The following DENND4C variants were observed in gnomAD, a reference collection of about 807,000 sequenced individuals.
DENND4C encodes the protein DENN domain containing 4C, also known as DENN domain-containing protein 4C.
A neutral mutation model predicts 203.0 loss-of-function variants in DENND4C; 108 were observed. That is an observed-to-expected ratio of 0.53 (90% CI 0.46 to 0.62). The LOEUF is 0.62. Among genes scored for constraint, DENND4C ranks in the 20% least tolerant of loss-of-function variants. The pLI is 0.00. For missense variants in DENND4C, 2,481 were observed against 2,301.2 expected (o/e 1.08, Z -1.60); for synonymous variants, 871 against 792.4 (o/e 1.10, Z -1.67).
At chr9:19,241,821 C>T (rs1393525001) in intron 1 of DENND4C, among the ~76,000 whole-genome samples, 1 of 151,780 alleles carries the variant, frequency 6.6e-6, no homozygotes, top group Non-Finnish European at 1.5e-5. Flanking sequence ...AGATTGGGAC[C>T]AGCCTGGGCA....
In DENND4C at chr9:19,363,443, C is replaced by T. The variant is rs1006973587; in HGVS notation, c.5524+1480C>T. 9.2e-5 allele frequency among the ~76,000 whole-genome samples: 14 copies of T among 151,738 alleles called. No homozygotes were observed. In the South Asian group the frequency reaches 2.3e-3, roughly 25 times the overall value. ...CAGACAATTGCTTGAACCCGGGAGGCGGAGGTTGCAGTGAGCCAAGATCAC... is the reference window on the plus strand; with the variant it reads ...CAGACAATTGCTTGAACCCGGGAGGTGGAGGTTGCAGTGAGCCAAGATCAC... On this transcript the variant is annotated intron_variant, in intron 30 of 32. Coordinates refer to ENST00000434457, the MANE Select transcript of DENND4C (RefSeq NM_001330640.2).
chr9:19,319,409 C>CAT (rs1254654216), intron 12 of DENND4C, among the ~76,000 whole-genome samples: 129 of 142,034 alleles, frequency 9.1e-4, no homozygotes, highest in Middle Eastern at 3.8e-3. Flanking sequence ...TATATACACA[C>CAT]ATATATATAT....
In DENND4C at chr9:19,372,287, C is replaced by G. The variant is rs997270139; in HGVS notation, c.*114C>G. 6.4e-6 allele frequency: 8 copies of G among 1,254,510 alleles called. No individual in the cohort carries two copies. In the Admixed American group the frequency reaches 1.9e-4, roughly 30 times the overall value. The allele number at this position is 1,254,510 out of a possible 1,614,324, so 77.7% of individuals were successfully genotyped here. On this transcript the variant is annotated 3_prime_UTR_variant, in exon 33 of 33. Coordinates refer to ENST00000434457, the MANE Select transcript of DENND4C (RefSeq NM_001330640.2). ...ACTGGTGAATACGGAATTGAAGTAA[C>G]TCTTGGGGACAATATATAATGAATT...
At chr9:19,254,632 T>A (rs1827478969) in intron 1 of DENND4C, among the ~76,000 whole-genome samples, 1 of 152,148 alleles carries the variant, frequency 6.6e-6, no homozygotes, top group Non-Finnish European at 1.5e-5. Flanking sequence ...GCATGGTTAC[T>A]ATAGTTGATT....
At position 19,276,471 on chromosome 9, in the gene DENND4C, A is replaced by G. The variant is rs1588818451; in HGVS notation, c.297A>G (p.Thr99=). ...YKRGRDKPPL[T]DIGVLYEGKE... Reference sequence around the variant, plus strand: ...GAGGGAGAGATAAACCACCGCTTACAGATATTGGGTATGGTGACTTCTTTT... The same window carrying G: ...GAGGGAGAGATAAACCACCGCTTACGGATATTGGGTATGGTGACTTCTTTT... Residue 99 remains threonine, a synonymous_variant, in exon 2 of 33, where the codon ACA becomes ACG. Coordinates refer to ENST00000434457, the MANE Select transcript of DENND4C (RefSeq NM_001330640.2). The G allele has an allele frequency of 2.4e-6, 3 of 1,232,052 alleles. No homozygotes were observed. Among genetic ancestry groups the G allele is most frequent in the Non-Finnish European group, 3.0e-6 (3 of 987,880 alleles). The allele number at this position is 1,232,052 out of a possible 1,614,324, so 76.3% of individuals were successfully genotyped here. A position where few individuals can be genotyped will look rare whatever the true frequency, so the allele number is the denominator to read the frequency against.
chr9:19,309,466 C>T (rs934038273), intron 10 of DENND4C, among the ~76,000 whole-genome samples: 1 of 151,684 alleles, frequency 6.6e-6, no homozygotes, highest in African/African-American at 2.4e-5. Context: ...TACACAATTC[C>T]GTGAATATGA....
At chr9:19,258,114 T>C (rs1170918642) in intron 1 of DENND4C, among the ~76,000 whole-genome samples, 1 of 122,254 alleles carries the variant, frequency 8.2e-6, no homozygotes, top group Non-Finnish European at 1.8e-5. Flanking sequence ...TAAGACCCTG[T>C]CTCAAAAAAT....
At position 19,305,478 on chromosome 9, in the gene DENND4C, C is replaced by T; in HGVS notation, c.1438C>T (p.Pro480Ser). ...CTCAAGGTATTTTGATCTTCATGAC[C>T]CACCACAAGATGTTGTTTGCATTGA... ...VDSRYFDLHDPPQDVVCIDLD... is the reference protein window; with the variant it reads ...VDSRYFDLHDSPQDVVCIDLD... The change falls in exon 10 of 33, where the codon CCA becomes TCA. Residue 480 changes from proline (P) to serine (S), a missense_variant. Around this residue, in one of 3 missense-constraint regions of DENND4C, gnomAD observed 2,289 missense variants for 2,113.3 expected, o/e 1.08. Coordinates refer to ENST00000434457, the MANE Select transcript of DENND4C (RefSeq NM_001330640.2). 1.2e-6 allele frequency: 2 copies of T among 1,613,638 alleles called. No individual in the cohort carries two copies. The highest frequency in any genetic ancestry group is 1.7e-6 in the Non-Finnish European group (2 of 1,179,896).
chr9:19,347,603 CTA>C (rs1253439983), intron 23 of DENND4C, among the ~76,000 whole-genome samples: 4 of 152,152 alleles, frequency 2.6e-5, no homozygotes, highest in African/African-American at 9.7e-5. Context: ...TATTTAAAAA[CTA>C]TGCATATTTG....
rs565269860 is a variant in DENND4C at position 19,354,081 on chromosome 9, T to G, written c.4781+1416T>G. On this transcript the variant is annotated intron_variant, in intron 26 of 32. Transcript: ENST00000434457. ...TATTCTACGAAGACACTGACTCTGC[T>G]AAGTGTGATATATATCTAAATTTAC... 4.6e-5 allele frequency among the ~76,000 whole-genome samples: 7 copies of G among 152,362 alleles called. No homozygotes were observed. The South Asian group carries it at 1.4e-3, about 32-fold the overall frequency.
Position 19,334,974 on chromosome 9 carries a change from TAG to T in DENND4C, c.2461-2_2461-1del. 1.9e-6 allele frequency: 3 copies of T among 1,584,150 alleles called. No homozygotes were observed. The highest frequency in any genetic ancestry group is 2.2e-5 in the East Asian group (1 of 44,592). ...ACTGACACTGATTTTTTTTTTTTGT[TAG>T]GTGTGCTATCGAGTAGTGATGCAGC... On this transcript the variant is annotated splice_acceptor_variant, in intron 17 of 32. Coordinates refer to ENST00000434457, the MANE Select transcript of DENND4C (RefSeq NM_001330640.2). LOFTEE classifies it high-confidence loss of function.
chr9:19,296,555 A>C (rs1837510952), intron 6 of DENND4C, among the ~76,000 whole-genome samples: 1 of 151,930 alleles, frequency 6.6e-6, no homozygotes, highest in Admixed American at 6.6e-5. Flanking sequence ...AGGTTTCACC[A>C]TCTTGGCCAG....
At chr9:19,320,074 T>A (rs1842626010) in intron 12 of DENND4C, among the ~76,000 whole-genome samples, 1 of 152,148 alleles carries the variant, frequency 6.6e-6, no homozygotes, top group Admixed American at 6.5e-5. Context: ...GTAAGCCACA[T>A]ATAAAATTTT....
rs146658372 is a variant in DENND4C, at chr9:19,298,090, C to A, written c.1075C>A (p.Pro359Thr). ...ISHFMQNIPFPSPQRPRILVQ... is the reference protein window; with the variant it reads ...ISHFMQNIPFTSPQRPRILVQ... ...ACATTTTATGCAAAACATCCCTTTTCCTTCACCACAAAGACCGAGAATCCT... is the reference window on the plus strand; with the variant it reads ...ACATTTTATGCAAAACATCCCTTTTACTTCACCACAAAGACCGAGAATCCT... The change falls in exon 7 of 33, where the codon CCT (proline) becomes ACT (threonine). Residue 359 changes from proline (P) to threonine (T), a missense_variant. By Grantham distance (38) the Pro-to-Thr change is conservative. Transcript: ENST00000434457. 126 of 1,609,542 alleles carry A rather than the reference C, an allele frequency of 7.8e-5. No individual in the cohort carries two copies. In the African/African-American group the frequency reaches 1.6e-3, roughly 20 times the overall value.
At chr9:19,259,119 G>C (rs1323390805) in intron 1 of DENND4C, among the ~76,000 whole-genome samples, 1 of 151,824 alleles carries the variant, frequency 6.6e-6, no homozygotes, top group Non-Finnish European at 1.5e-5. Context: ...GGTACTTTTA[G>C]TTATTTTAAA....
intron 1 of DENND4C, among the ~76,000 whole-genome samples, chr9:19,238,945 G>T (rs1476907110): frequency 2.6e-5 from 4 of 151,610 alleles, no homozygotes; most frequent in Non-Finnish European, 5.9e-5. Flanking sequence ...GAGCCACCTT[G>T]CCTAGCCTAT....
Position 19,363,215 on chromosome 9 carries a change from T to C in DENND4C, c.5524+1252T>C, listed in dbSNP as rs376062170. On this transcript the variant is annotated intron_variant, in intron 30 of 32. Coordinates refer to ENST00000434457, the MANE Select transcript of DENND4C (RefSeq NM_001330640.2). Reference sequence around the variant, plus strand: ...TTTCTTATAAAGACATCAGCTGTATTAGGTTAGGGCCCCACTTGGCCAGGC... The same window carrying C: ...TTTCTTATAAAGACATCAGCTGTATCAGGTTAGGGCCCCACTTGGCCAGGC... 1.9e-4 allele frequency among the ~76,000 whole-genome samples: 29 copies of C among 152,246 alleles called. 2 individuals are homozygous for C. The highest frequency in any genetic ancestry group is 7.8e-4 in the Admixed American group (12 of 15,294).
intron 32 of DENND4C, 88 bp from the exon 33 acceptor site, chr9:19,371,949 C>T (rs1001954777): frequency 1.5e-6 from 2 of 1,368,658 alleles, no homozygotes; most frequent in Non-Finnish European, 1.0e-6. Context: ...AGTTCAAATA[C>T]ATATAATTTG....
intron 9 of DENND4C, among the ~76,000 whole-genome samples, chr9:19,302,829 C>T (rs937223729): frequency 6.6e-6 from 1 of 152,174 alleles, no homozygotes; most frequent in Non-Finnish European, 1.5e-5. Flanking sequence ...TGTTCCTTCT[C>T]ATTAAAGCAC....
Sources: allele counts gnomAD v4.1 joint callset (sites outside exome capture counted in the v4.1 genomes callset), GRCh38; gene constraint gnomAD v4.1.1; regional missense constraint gnomAD v4.1.1; transcripts MANE v1.5; gene names NCBI Gene and HGNC (gene_info 2026-07-23, HGNC 2026-07-21).